CATSPERE: variants seen among roughly 807,000 people sequenced by gnomAD.
CATSPERE encodes the protein catsper channel auxiliary subunit epsilon.
Under a neutral mutation model 114.1 loss-of-function variants are expected in CATSPERE, and 93 were observed. That is an observed-to-expected ratio of 0.81 (90% CI 0.69 to 0.97). The LOEUF is 0.97. Among genes scored for constraint, CATSPERE ranks in the 50% least tolerant of loss-of-function variants. CATSPERE has a pLI of 0.00. For synonymous variants in CATSPERE, 341 were observed against 384.1 expected (o/e 0.89, Z 1.31); for missense variants, 1,058 against 1,131.6 (o/e 0.93, Z 0.93).
chr1:244,451,607 C>A (rs777335438), upstream of CATSPERE: 10 of 1,585,942 alleles, frequency 6.3e-6, no homozygotes, highest in Admixed American at 1.4e-4. The surrounding 1 kb of genome is among the most constrained non-coding windows in gnomAD (Gnocchi z 6.6). Context: ...CCGGGCCCGG[C>A]TTCCCATGAG....
At chr1:244,600,371 A>AGAG (rs77999828) in intron 17 of CATSPERE, among the ~76,000 whole-genome samples, 3 of 145,058 alleles carry the variant, frequency 2.1e-5, no homozygotes, top group East Asian at 2.0e-4. Context: ...AAAAAAAAAA[A>AGAG]AGAGAGAGAG....
intron 1 of CATSPERE, among the ~76,000 whole-genome samples, chr1:244,462,721 A>G (rs1572203580): frequency 1.3e-5 from 2 of 152,316 alleles, no homozygotes; most frequent in Admixed American, 6.5e-5. Flanking sequence ...CGATCTGTAT[A>G]TACAGAAAAT....
rs533045654 is a variant in CATSPERE, at chr1:244,483,972, A to T, written c.326+4188A>T. On this transcript the variant is annotated intron_variant, in intron 5 of 21. Transcript: ENST00000366534. ...AAATTAGGTCTTTAATCCACCTGGAATCAGTTTTTGTACAAGCTTAGAATA... is the reference window on the plus strand; with the variant it reads ...AAATTAGGTCTTTAATCCACCTGGATTCAGTTTTTGTACAAGCTTAGAATA... 8.8e-4 allele frequency among the ~76,000 whole-genome samples: 134 copies of T among 152,258 alleles called. 1 individual carries two copies. The highest frequency in any genetic ancestry group is 3.2e-3 in the African/African-American group (131 of 41,570).
Position 244,596,774 on chromosome 1 carries a change from A to AT in CATSPERE, c.2303+3199dup, listed in dbSNP as rs959150676. On this transcript the variant is annotated intron_variant, in intron 17 of 21. Transcript: ENST00000366534. ...CATGTATCCCAGAACCTAAAGTAAA[A>AT]TTTAAAAAAAAAAAAAAAGAAAATG... Among the ~76,000 whole-genome samples the AT allele has an allele frequency of 1.3e-3, 180 of 137,302 alleles. 2 individuals carry two copies. In the East Asian group the frequency reaches 0.019, roughly 14 times the overall value. The allele number at this position is 137,302 out of a possible 152,430, so 90.1% of individuals were successfully genotyped here. A position where few individuals can be genotyped will look rare whatever the true frequency, so the allele number is the denominator to read the frequency against.
chr1:244,589,698 T>C (rs1667471153), intron 14 of CATSPERE, among the ~76,000 whole-genome samples: 1 of 152,188 alleles, frequency 6.6e-6, no homozygotes, highest in South Asian at 2.1e-4. Flanking sequence ...CCAAAATCAG[T>C]TCCCAGTACC....
chr1:244,598,160 G>C (rs1269906836), intron 17 of CATSPERE, among the ~76,000 whole-genome samples: 2 of 152,192 alleles, frequency 1.3e-5, no homozygotes, highest in African/African-American at 2.4e-5. Context: ...TTTGTGAAAA[G>C]TTGGACGTTT....
intron 7 of CATSPERE, among the ~76,000 whole-genome samples, chr1:244,499,296 A>C (rs955735355): frequency 1.3e-5 from 2 of 152,084 alleles, no homozygotes; most frequent in African/African-American, 4.8e-5. Context: ...CTAATTGAAC[A>C]TTCTTCATAT....
intron 20 of CATSPERE, among the ~76,000 whole-genome samples, chr1:244,623,090 T>TTTATTTA (rs1368188546): frequency 3.1e-5 from 1 of 32,256 alleles, no homozygotes; most frequent in Non-Finnish European, 7.8e-5. Flanking sequence ...TTATTTATTT[T>TTTATTTA]GAGACTGAGT....
rs191787636 is a variant in CATSPERE at position 244,635,532 on chromosome 1, C to A, written c.2692C>A (p.Leu898Met). ...TATGTTTGCAATAGAGACATTTGGA[C>A]TGATTCCCAGGTAAGGAGCAGGGCC... ...TAMFAIETFG[L>M]IPSPSVYLVA... Residue 898 changes from leucine (L) to methionine (M), a missense_variant, in exon 21 of 22, where the codon CTG (leucine) becomes ATG (methionine). Transcript: ENST00000366534. The A allele has an allele frequency of 1.2e-6, 2 of 1,612,400 alleles. No individual in the cohort carries two copies. Among genetic ancestry groups the A allele is most frequent in the Non-Finnish European group, 1.7e-6 (2 of 1,178,706 alleles).
chr1:244,480,522 A>G (rs2148164144), intron 5 of CATSPERE, among the ~76,000 whole-genome samples: 1 of 151,766 alleles, frequency 6.6e-6, no homozygotes, highest in East Asian at 1.9e-4. Flanking sequence ...TGTGACGTAT[A>G]TGGTCTAACT....
chr1:244,522,555 T>C (rs2148379039), intron 8 of CATSPERE, among the ~76,000 whole-genome samples: 1 of 152,284 alleles, frequency 6.6e-6, no homozygotes, highest in Admixed American at 6.5e-5. Flanking sequence ...AGTTGGTTTT[T>C]TGAAAGGATC....
At position 244,466,438 on chromosome 1, in the gene CATSPERE, A is replaced by G. The variant is rs189509197; in HGVS notation, c.114+2482A>G. ...ATTGTGTGACCTGAGATACTCTTCC[A>G]TATTTCCAGATGCCCTCTAAGGCAG... On this transcript the variant is annotated intron_variant, in intron 2 of 21. Transcript: ENST00000366534. Among the ~76,000 whole-genome samples, 496 of 152,258 alleles carry G rather than the reference A, an allele frequency of 3.3e-3. 5 individuals are homozygous for G. Among genetic ancestry groups the G allele is most frequent in the African/African-American group, 0.011 (462 of 41,532 alleles).
At chr1:244,578,749 A>G (rs1288377647) in intron 11 of CATSPERE, among the ~76,000 whole-genome samples, 1 of 149,122 alleles carries the variant, frequency 6.7e-6, no homozygotes, top group East Asian at 1.9e-4. Context: ...ATATATATAT[A>G]CAGGCATATA....
At chr1:244,547,657 T>G (rs1392120227) in intron 8 of CATSPERE, among the ~76,000 whole-genome samples, 1 of 152,066 alleles carries the variant, frequency 6.6e-6, no homozygotes, top group Non-Finnish European at 1.5e-5. Flanking sequence ...AGCCTCATGG[T>G]AACCACAAAG....
intron 10 of CATSPERE, among the ~76,000 whole-genome samples, chr1:244,564,283 G>A (rs530821429): frequency 9.9e-5 from 15 of 152,256 alleles, no homozygotes; most frequent in African/African-American, 3.6e-4. Flanking sequence ...TTCTAATTCT[G>A]TGAAGAAAGT....
rs59466928 is a variant in CATSPERE, at chr1:244,566,652, C to CTTTTTTTTTTTTTTTTTTTTT, written c.1507+5522_1507+5542dup. Among the ~76,000 whole-genome samples, 19 of 49,112 alleles carry CTTTTTTTTTTTTTTTTTTTTT rather than the reference C, an allele frequency of 3.9e-4. 5 individuals carry two copies. The highest frequency in any genetic ancestry group is 7.7e-4 in the Non-Finnish European group (11 of 14,272). The allele number at this position is 49,112 out of a possible 152,430, so 32.2% of individuals were successfully genotyped here. A position where few individuals can be genotyped will look rare whatever the true frequency, so the allele number is the denominator to read the frequency against. ...TCAGAGACTAGGATTGCAACCCCTG[C>CTTTTTTTTTTTTTTTTTTTTT]TTTTTTTTTTTTTTTTTTTTTTTTT... On this transcript the variant is annotated intron_variant, in intron 10 of 21. Transcript: ENST00000366534.
intron 19 of CATSPERE, among the ~76,000 whole-genome samples, chr1:244,611,015 C>T (rs1670658011): frequency 1.3e-5 from 2 of 152,220 alleles, no homozygotes; most frequent in South Asian, 4.1e-4. Context: ...CTGCCTCAGC[C>T]TCCCAAAGTG....
upstream of CATSPERE, among the ~76,000 whole-genome samples, chr1:244,460,209 T>C (rs1666543572): frequency 6.6e-6 from 1 of 152,214 alleles, no homozygotes; most frequent in South Asian, 2.1e-4. Context: ...GCCTGGAGAC[T>C]AGATTGCCTT....
intron 7 of CATSPERE, among the ~76,000 whole-genome samples, chr1:244,507,310 T>C (rs1157523364): frequency 6.6e-6 from 1 of 152,208 alleles, no homozygotes; most frequent in Non-Finnish European, 1.5e-5. Context: ...GTTTCATGTT[T>C]AGTTTTTTGA....
Sources: allele counts gnomAD v4.1 joint callset (sites outside exome capture counted in the v4.1 genomes callset), GRCh38; gene constraint gnomAD v4.1.1; non-coding constraint Gnocchi (gnomAD v3.1); transcripts MANE v1.5; gene names NCBI Gene and HGNC (gene_info 2026-07-23, HGNC 2026-07-21).